GJA8: variants seen among roughly 807,000 people sequenced by gnomAD.
The protein encoded by GJA8 is gap junction protein alpha 8, also known as gap junction alpha-8 protein.
GJA8 carries 13 observed loss-of-function variants against 15.3 expected under a neutral mutation model. The ratio of observed to expected loss-of-function variants is 0.85; its 90% CI spans 0.55 to 1.35. The LOEUF is 1.35. Among genes scored for constraint, GJA8 ranks in the 40% most tolerant of loss-of-function variants. The pLI, the probability that GJA8 is intolerant of heterozygous loss-of-function variation, is 0.00. For synonymous variants in GJA8, 304 were observed against 238.7 expected, an observed-to-expected ratio of 1.27 and a Z score of -2.52; for missense variants, 607 against 553.3, an observed-to-expected ratio of 1.10 and a Z score of -0.97.
At chr1:147,906,974 C>A (rs1651824539) in intron 1 of GJA8, among the ~76,000 whole-genome samples, 1 of 152,064 alleles carries the variant, frequency 6.6e-6, no homozygotes. Flanking sequence ...CAACCTCGAC[C>A]TCCCAGGCTC....
chr1:147,908,612 C>T lies in GJA8; in HGVS notation c.657C>T (p.Leu219=). The T allele has an allele frequency of 6.2e-7, 1 of 1,614,138 alleles. No homozygotes were observed. The highest frequency in any genetic ancestry group is 8.5e-7 in the Non-Finnish European group (1 of 1,180,036). ...MLSVASVSLF[L]NVMELGHLGL... ...CTGTGGCCTCTGTGTCCCTATTCCT[C>T]AACGTGATGGAGTTGGGCCACCTGG... is the stretch of plus-strand genomic sequence containing the variant. Residue 219 remains leucine, a synonymous_variant, in exon 2 of 2, where the codon CTC becomes CTT. Transcript: ENST00000369235.
At chr1:147,907,820 G>T in intron 1 of GJA8, 125 bp from the exon 2 acceptor site, 1 of 749,994 alleles carries the variant, frequency 1.3e-6, no homozygotes, top group South Asian at 1.4e-5. Context: ...CTGGATAGAC[G>T]CTGTGTGCAC....
At position 147,908,330 on chromosome 1, in the gene GJA8, C is replaced by G. The variant is rs1186838764; in HGVS notation, c.375C>G (p.Asp125Glu). 1 of 1,614,066 alleles carries G rather than the reference C, an allele frequency of 6.2e-7. No homozygotes were observed. The highest frequency in any genetic ancestry group is 2.2e-5 in the East Asian group (1 of 44,896). The change falls in exon 2 of 2, where the codon GAC becomes GAG. Residue 125 changes from aspartate to glutamate, a missense_variant. Transcript: ENST00000369235. ...GQQAGTNGGP[D>E]QGSVKKSSGS... ...AGGCGGGGACTAACGGCGGCCCGGA[C>G]CAGGGCAGCGTCAAGAAGAGCAGCG... is the stretch of plus-strand genomic sequence containing the variant.
rs782099937 is a variant in GJA8, at chr1:147,908,653, G to A, written c.698G>A (p.Arg233Gln). ...GGCCACCTGGGCCTGAAGGGGATCC[G>A]GTCTGCCTTGAAGAGGCCTGTAGAG... is the stretch of plus-strand genomic sequence containing the variant. ...ELGHLGLKGI[R>Q]SALKRPVEQP... The change falls in exon 2 of 2, where the codon CGG becomes CAG. Residue 233 changes from arginine (R) to glutamine (Q), a missense_variant. Transcript: ENST00000369235. The A allele has an allele frequency of 9.3e-6, 15 of 1,614,004 alleles. No homozygotes were observed. Among genetic ancestry groups the A allele is most frequent in the Non-Finnish European group, 1.2e-5 (14 of 1,180,014 alleles).
At chr1:147,907,885 A>T (rs1651859444) in intron 1 of GJA8, 60 bp from the exon 2 acceptor site, 1 of 1,194,642 alleles carries the variant, frequency 8.4e-7, no homozygotes, top group Non-Finnish European at 1.2e-6. Context: ...GCAAAAACAG[A>T]TATTGACTCA....
chr1:147,907,920 C>T (rs782030454), intron 1 of GJA8, 25 bp from the exon 2 acceptor site: 1 of 1,555,904 alleles, frequency 6.4e-7, no homozygotes, highest in Admixed American at 1.7e-5. Context: ...CCGCTCAGCT[C>T]TTGCCTTCTC....
downstream of GJA8, among the ~76,000 whole-genome samples, chr1:147,909,754 G>C (rs1652026123): frequency 6.6e-6 from 1 of 152,206 alleles, no homozygotes; most frequent in African/African-American, 2.4e-5. Context: ...CTAATGCAAG[G>C]GAGAGAATGG....
Position 147,908,242 on chromosome 1 carries a change from C to T in GJA8, c.287C>T (p.Ala96Val), listed in dbSNP as rs1571176138. 1 of 1,614,170 alleles carries T rather than the reference C, an allele frequency of 6.2e-7. No homozygotes were observed. The highest frequency in any genetic ancestry group is 8.5e-7 in the Non-Finnish European group (1 of 1,180,012). ...CCGTCCCTGATGTACGTGGGGCACG[C>T]GGTGCACTACGTCCGCATGGAGGAG... is the stretch of plus-strand genomic sequence containing the variant. ...STPSLMYVGH[A>V]VHYVRMEEKR... The change falls in exon 2 of 2, where the codon GCG (alanine) becomes GTG (valine). Residue 96 changes from alanine (A) to valine (V), a missense_variant. Coordinates refer to ENST00000369235, the MANE Select transcript of GJA8 (RefSeq NM_005267.5).
At chr1:147,907,886 T>C in intron 1 of GJA8, 59 bp from the exon 2 acceptor site, 1 of 1,207,742 alleles carries the variant, frequency 8.3e-7, no homozygotes, top group Non-Finnish European at 1.2e-6. Context: ...CAAAAACAGA[T>C]ATTGACTCAG....
chr1:147,910,255 C>A (rs894154440), downstream of GJA8, among the ~76,000 whole-genome samples: 1 of 152,170 alleles, frequency 6.6e-6, no homozygotes, highest in Non-Finnish European at 1.5e-5. Context: ...TATGTGCAAG[C>A]CACATTTAAC....
chr1:147,904,787 G>T (rs1651726928), intron 1 of GJA8, among the ~76,000 whole-genome samples: 1 of 152,096 alleles, frequency 6.6e-6, no homozygotes, highest in Admixed American at 6.5e-5. Flanking sequence ...TCATGGGGTT[G>T]GAAAGATTGT....
intron 1 of GJA8, among the ~76,000 whole-genome samples, chr1:147,907,017 C>G (rs1231881005): frequency 6.6e-6 from 1 of 151,904 alleles, no homozygotes; most frequent in Non-Finnish European, 1.5e-5. Flanking sequence ...TCCCAAGTAG[C>G]TGGGAACACA....
downstream of GJA8, among the ~76,000 whole-genome samples, chr1:147,912,908 A>T: frequency 6.6e-6 from 1 of 151,792 alleles, no homozygotes; most frequent in East Asian, 1.9e-4. Flanking sequence ...AAAAAAAAAA[A>T]AAAAAAAGAA....
chr1:147,905,772 G>T (rs1651772336), intron 1 of GJA8, among the ~76,000 whole-genome samples: 1 of 152,212 alleles, frequency 6.6e-6, no homozygotes, highest in African/African-American at 2.4e-5. Flanking sequence ...ATGTGGCTGG[G>T]ATTGAGTTGC....
chr1:147,902,849 A>G lies in GJA8; in HGVS notation c.-24A>G, dbSNP rs377431608. On this transcript the variant is annotated 5_prime_UTR_variant, in exon 1 of 2. Coordinates refer to ENST00000369235, the MANE Select transcript of GJA8 (RefSeq NM_005267.5). ...AAGAGCACATATTTCTCCGTGGGAC[A>G]CTCCTTGTATTGGCAAGTTTTCCTT... 1.6e-4 allele frequency among the ~76,000 whole-genome samples: 24 copies of G among 152,088 alleles called. No homozygotes were observed. The East Asian group carries it at 4.0e-3, about 26-fold the overall frequency.
At chr1:147,909,491 T>C (rs782210759), downstream of GJA8, among the ~76,000 whole-genome samples, 4 of 152,246 alleles carry the variant, frequency 2.6e-5, no homozygotes, top group Admixed American at 2.6e-4. Flanking sequence ...CCCAGTCTCA[T>C]AGGACTACCC....
rs1651887603 is a variant in GJA8, at chr1:147,908,236, G to A, written c.281G>A (p.Gly94Glu). ...TCCACCCCGTCCCTGATGTACGTGGGGCACGCGGTGCACTACGTCCGCATG... is the reference window on the plus strand; with the variant it reads ...TCCACCCCGTCCCTGATGTACGTGGAGCACGCGGTGCACTACGTCCGCATG... ...FVSTPSLMYV[G>E]HAVHYVRMEE... Residue 94 changes from glycine to glutamate, a missense_variant, in exon 2 of 2, where the codon GGG (glycine) becomes GAG (glutamate). Coordinates refer to ENST00000369235, the MANE Select transcript of GJA8 (RefSeq NM_005267.5). The A allele has an allele frequency of 6.2e-7, 1 of 1,614,188 alleles. No individual in the cohort carries two copies. The highest frequency in any genetic ancestry group is 8.5e-7 in the Non-Finnish European group (1 of 1,180,026).
chr1:147,904,718 A>C (rs961164310), intron 1 of GJA8, among the ~76,000 whole-genome samples: 1 of 152,062 alleles, frequency 6.6e-6, no homozygotes, highest in Non-Finnish European at 1.5e-5. Flanking sequence ...AAACCAATAC[A>C]TTTCCCTTCG....
At chr1:147,903,675 C>A (rs1301979713) in intron 1 of GJA8, among the ~76,000 whole-genome samples, 2 of 152,114 alleles carry the variant, frequency 1.3e-5, no homozygotes, top group Non-Finnish European at 2.9e-5. Context: ...TTGATAATGC[C>A]AAGTTCACTG....
Sources: gnomAD v4.1 joint callset for allele counts (sites outside exome capture counted in the v4.1 genomes callset) on GRCh38, gnomAD v4.1.1 for gene constraint, MANE v1.5 for transcripts, NCBI Gene and HGNC (gene_info 2026-07-23, HGNC 2026-07-21) for gene names.